PDE7A: variants seen among roughly 807,000 people sequenced by gnomAD.
PDE7A encodes phosphodiesterase 7A.
In PDE7A, 39 loss-of-function variants were observed where a neutral mutation model predicts 64.3. The ratio of observed to expected loss-of-function variants is 0.61; its 90% CI spans 0.47 to 0.79. PDE7A has a LOEUF of 0.79. Among genes scored for constraint, PDE7A ranks in the 30% least tolerant of loss-of-function variants. The pLI is 0.00. For missense variants in PDE7A, 470 were observed against 582.8 expected, an observed-to-expected ratio of 0.81 and a Z score of 1.99; for synonymous variants, 203 against 206.8, an observed-to-expected ratio of 0.98 and a Z score of 0.16.
intron 12 of PDE7A, chr8:65,720,741 G>A (rs1331107086): frequency 1.3e-5 from 2 of 152,254 alleles, no homozygotes; most frequent in Non-Finnish European, 2.9e-5. Flanking sequence ...AGGAGCTTAT[G>A]TTCTGGTGAG....
intron 5 of PDE7A, among the ~76,000 whole-genome samples, chr8:65,741,816 G>A (rs1807449509): frequency 6.6e-6 from 1 of 152,134 alleles, no homozygotes; most frequent in Non-Finnish European, 1.5e-5. Flanking sequence ...TTTTTCAAAT[G>A]TAACAAAACA....
intron 1 of PDE7A, among the ~76,000 whole-genome samples, chr8:65,806,493 G>A (rs377510234): frequency 9.9e-5 from 15 of 152,196 alleles, no homozygotes; most frequent in African/African-American, 2.9e-4. Context: ...ACTTAAAAGC[G>A]TGAATTTATG....
At chr8:65,798,201 TATATA>T (rs1449566830) in intron 1 of PDE7A, among the ~76,000 whole-genome samples, 372 of 23,680 alleles carry the variant, frequency 0.016, 2 homozygotes, top group Middle Eastern at 0.062. Context: ...TATATATATA[TATATA>T]TTTTTTTTTT....
rs986907687 is a variant in PDE7A at position 65,714,853 on chromosome 8, T to G, written c.*4437A>C. The G allele has an allele frequency of 6.6e-6, 1 of 152,234 alleles. No homozygotes were observed. The highest frequency in any genetic ancestry group is 2.4e-5 in the African/African-American group (1 of 41,454). The allele number at this position is 152,234 out of a possible 1,614,324, so 9.4% of individuals were successfully genotyped here. On this transcript the variant is annotated 3_prime_UTR_variant, in exon 13 of 13. Coordinates refer to ENST00000401827, the MANE Select transcript of PDE7A (RefSeq NM_001242318.3). Reference sequence around the variant, plus strand: ...AGGAATTACTAGCACCTCTAATCTGTACCTCAGGTACAAATATATTTGTTT... The same window carrying G: ...AGGAATTACTAGCACCTCTAATCTGGACCTCAGGTACAAATATATTTGTTT...
intron 1 of PDE7A, among the ~76,000 whole-genome samples, chr8:65,793,849 T>C (rs1809766178): frequency 6.6e-6 from 1 of 152,208 alleles, no homozygotes; most frequent in Non-Finnish European, 1.5e-5. Flanking sequence ...GAGCACAAGT[T>C]TGTTAAAAAC....
chr8:65,793,110 C>A lies in PDE7A; in HGVS notation c.139-10267G>T, dbSNP rs544517174. On this transcript the variant is annotated intron_variant, in intron 1 of 12. Coordinates refer to ENST00000401827, the MANE Select transcript of PDE7A (RefSeq NM_001242318.3). Reference sequence around the variant, plus strand: ...AGTCTCTGGTGACATTCTTAAGAACCAAACAGAGCCCCATGCTACAATTAG... The same window carrying A: ...AGTCTCTGGTGACATTCTTAAGAACAAAACAGAGCCCCATGCTACAATTAG... 4.6e-5 allele frequency among the ~76,000 whole-genome samples: 7 copies of A among 152,156 alleles called. No individual in the cohort carries two copies. In the South Asian group the frequency reaches 1.5e-3, roughly 32 times the overall value.
intron 1 of PDE7A, among the ~76,000 whole-genome samples, chr8:65,800,087 T>C (rs1809953121): frequency 6.6e-6 from 1 of 152,084 alleles, no homozygotes; most frequent in Non-Finnish European, 1.5e-5. Context: ...GCTCCAGAGA[T>C]GTTTGCTTTC....
chr8:65,738,851 G>T (rs569680296), intron 6 of PDE7A, among the ~76,000 whole-genome samples: 8 of 152,220 alleles, frequency 5.3e-5, no homozygotes, highest in Non-Finnish European at 7.3e-5. Flanking sequence ...GAAAAGTACA[G>T]AAATTGTGTC....
chr8:65,763,994 G>A (rs1808640597), intron 3 of PDE7A, among the ~76,000 whole-genome samples: 2 of 152,152 alleles, frequency 1.3e-5, no homozygotes, highest in African/African-American at 4.8e-5. Context: ...AAAGATTAGT[G>A]GTTCTTAAAT....
At chr8:65,725,303 G>GT (rs2129065885) in intron 9 of PDE7A, 1 of 157,768 alleles carries the variant, frequency 6.3e-6, no homozygotes, top group South Asian at 2.0e-4. Flanking sequence ...AACAACTTTG[G>GT]TTTGCTTTTT....
At chr8:65,768,101 C>G (rs1808887014) in intron 3 of PDE7A, among the ~76,000 whole-genome samples, 1 of 152,150 alleles carries the variant, frequency 6.6e-6, no homozygotes, top group African/African-American at 2.4e-5. Flanking sequence ...GGGAGAAACC[C>G]CTCCACACAT....
intron 1 of PDE7A, among the ~76,000 whole-genome samples, chr8:65,800,836 T>C (rs1241926927): frequency 1.3e-5 from 2 of 152,174 alleles, no homozygotes; most frequent in African/African-American, 4.8e-5. Flanking sequence ...TTTCGTCCAG[T>C]GCTAGGCTAG....
intron 1 of PDE7A, among the ~76,000 whole-genome samples, chr8:65,825,959 G>A (rs570830027): frequency 6.6e-6 from 1 of 152,252 alleles, no homozygotes; most frequent in Admixed American, 6.5e-5. Context: ...ATAGATGGGG[G>A]ATGGGTGCTA....
chr8:65,724,045 A>G lies in PDE7A; in HGVS notation c.1162+210T>C, dbSNP rs561104378. Among the ~76,000 whole-genome samples the G allele has an allele frequency of 3.9e-4, 59 of 152,342 alleles. 1 individual carries two copies. Among genetic ancestry groups the G allele is most frequent in the Non-Finnish European group, 7.9e-4 (54 of 68,004 alleles). ...AATCTATCTATACTCATAAATGCAT[A>G]AATACATCTGATCATTCCAAAAGAG... On this transcript the variant is annotated intron_variant, in intron 11 of 12. Coordinates refer to ENST00000401827, the MANE Select transcript of PDE7A (RefSeq NM_001242318.3).
chr8:65,741,347 G>A (rs955009172), intron 5 of PDE7A, among the ~76,000 whole-genome samples: 1 of 151,962 alleles, frequency 6.6e-6, no homozygotes, highest in African/African-American at 2.4e-5. Context: ...AGACATACTA[G>A]TCCCAAATTG....
At chr8:65,732,941 C>T (rs1806960895) in intron 7 of PDE7A, among the ~76,000 whole-genome samples, 1 of 151,946 alleles carries the variant, frequency 6.6e-6, no homozygotes, top group South Asian at 2.1e-4. Flanking sequence ...AACTCCTGGG[C>T]TCAAGCAAGC....
intron 4 of PDE7A, 33 bp from the exon 5 acceptor site, chr8:65,745,503 T>A (rs1327145488): frequency 8.6e-7 from 1 of 1,160,562 alleles, no homozygotes; most frequent in Non-Finnish European, 1.3e-6. Flanking sequence ...CTACTGTAAT[T>A]TAATTTCAAT....
chr8:65,729,247 A>G (rs1806734751), intron 7 of PDE7A, among the ~76,000 whole-genome samples: 1 of 152,148 alleles, frequency 6.6e-6, no homozygotes, highest in African/African-American at 2.4e-5. Context: ...ATAAAATAGA[A>G]AACTATTAAG....
At chr8:65,774,319 A>ATTATAC (rs113839826) in intron 3 of PDE7A, among the ~76,000 whole-genome samples, 64,046 of 151,616 alleles carry the variant, frequency 0.42, 16,942 homozygotes, top group African/African-American at 0.76. Flanking sequence ...TAGTGAGAAT[A>ATTATAC]TTATAAAAAG....
Sources: allele counts gnomAD v4.1 joint callset (sites outside exome capture counted in the v4.1 genomes callset), GRCh38; gene constraint gnomAD v4.1.1; transcripts MANE v1.5; gene names NCBI Gene and HGNC (gene_info 2026-07-23, HGNC 2026-07-21).